IL1RAPL1: variants seen among roughly 807,000 people sequenced by gnomAD.
The protein encoded by IL1RAPL1 is interleukin-1 receptor accessory protein-like 1.
In IL1RAPL1, 3 loss-of-function variants were observed where a neutral mutation model predicts 48.4. That is an observed-to-expected ratio of 0.06 (90% CI 0.03 to 0.16). The LOEUF is 0.16. Among genes scored for constraint, IL1RAPL1 ranks in the 10% least tolerant of loss-of-function variants. The pLI is 1.00. For synonymous variants in IL1RAPL1, 185 were observed against 187.7 expected (o/e 0.99, Z 0.12); for missense variants, 349 against 530.6 (o/e 0.66, Z 3.36).
intron 3 of IL1RAPL1, among the ~76,000 whole-genome samples, chrX:29,311,540 A>G (rs979264932): frequency 9.8e-5 from 11 of 111,988 alleles, no homozygotes; most frequent in Non-Finnish European, 1.9e-4. Context: ...CTGCTGTTCA[A>G]TACAATAGTC....
At chrX:28,594,679 A>G (rs938868814) in intron 1 of IL1RAPL1, among the ~76,000 whole-genome samples, 3 of 111,834 alleles carry the variant, frequency 2.7e-5, no homozygotes, top group African/African-American at 9.7e-5. Flanking sequence ...ATACAGCATT[A>G]TTTTTTATTA....
chrX:29,941,902 G>A (rs966130857), intron 9 of IL1RAPL1, 108 bp downstream of exon 9: 14 of 688,651 alleles, frequency 2.0e-5, no homozygotes, highest in South Asian at 7.2e-5. Context: ...GCAGCAGCTC[G>A]TATATTCTTT....
chrX:29,134,513 C>G (rs993975006), intron 2 of IL1RAPL1, among the ~76,000 whole-genome samples: 1 of 111,718 alleles, frequency 9.0e-6, no homozygotes, highest in African/African-American at 3.3e-5. Context: ...TACCCTGCTT[C>G]TTTTTCCACC....
intron 2 of IL1RAPL1, among the ~76,000 whole-genome samples, chrX:29,084,770 C>T (rs1927916080): frequency 8.9e-6 from 1 of 112,769 alleles, no homozygotes; most frequent in South Asian, 3.6e-4. Context: ...TGGCTCACTG[C>T]AACCTCTGCC....
chrX:29,695,628 A>AGAGAGAGAGAGAG (rs1926891463), intron 6 of IL1RAPL1, among the ~76,000 whole-genome samples: 1 of 82,736 alleles, frequency 1.2e-5, no homozygotes, highest in African/African-American at 5.7e-5. Flanking sequence ...GAGAGAGAGA[A>AGAGAGAGAGAGAG]ACAGAGAGAA....
chrX:28,764,385 T>TA lies in IL1RAPL1; in HGVS notation c.-24-24934dup, dbSNP rs1333910921. Among the ~76,000 whole-genome samples the TA allele has an allele frequency of 2.7e-5, 3 of 111,523 alleles. No homozygotes were observed. The Admixed American group carries it at 2.9e-4, about 11-fold the overall frequency. ...GATCTTAAGAAATACACCAGCATCT[T>TA]ATGATGCTATGCTAGAATTATTTTA... On this transcript the variant is annotated intron_variant, in intron 1 of 10. Coordinates refer to ENST00000378993, the MANE Select transcript of IL1RAPL1 (RefSeq NM_014271.4).
intron 3 of IL1RAPL1, among the ~76,000 whole-genome samples, chrX:29,382,221 A>G (rs889804846): frequency 9.0e-6 from 1 of 111,717 alleles, no homozygotes; most frequent in African/African-American, 3.3e-5. Flanking sequence ...CTTGACATTC[A>G]GATAAGACTG....
chrX:29,305,693 A>T (rs1376068626), intron 3 of IL1RAPL1, among the ~76,000 whole-genome samples: 4 of 111,735 alleles, frequency 3.6e-5, no homozygotes, highest in Non-Finnish European at 5.6e-5. Context: ...CACCTGAGAT[A>T]GCTGTAGGAG....
At chrX:29,524,179 CTTT>C (rs5901924) in intron 5 of IL1RAPL1, among the ~76,000 whole-genome samples, 4 of 77,581 alleles carry the variant, frequency 5.2e-5, no homozygotes, top group African/African-American at 1.4e-4. Context: ...TTTCACTTGG[CTTT>C]TTTTTTTTTT....
Position 29,012,276 on chromosome X carries a change from C to G in IL1RAPL1, c.82+222851C>G, listed in dbSNP as rs1051969968. ...AAGAGGCCCTGGCGGGGTGAGGTGG[C>G]TCACGCCTGTAATCCCAGCACTTTG... On this transcript the variant is annotated intron_variant, in intron 2 of 10. Coordinates refer to ENST00000378993, the MANE Select transcript of IL1RAPL1 (RefSeq NM_014271.4). Among the ~76,000 whole-genome samples, 4 of 112,475 alleles carry G rather than the reference C, an allele frequency of 3.6e-5. No homozygotes were observed. In the East Asian group the frequency reaches 1.1e-3, roughly 31 times the overall value.
intron 2 of IL1RAPL1, among the ~76,000 whole-genome samples, chrX:28,854,391 T>A (rs1263968094): frequency 1.8e-5 from 2 of 110,733 alleles, no homozygotes; most frequent in Non-Finnish European, 3.8e-5. Flanking sequence ...ACCCCTAGGT[T>A]TTTTGGTTTA....
intron 2 of IL1RAPL1, among the ~76,000 whole-genome samples, chrX:29,095,631 G>A (rs1928196778): frequency 2.7e-5 from 3 of 111,484 alleles, no homozygotes; most frequent in Non-Finnish European, 3.8e-5. Flanking sequence ...ATAACATGGT[G>A]ACCTTAATCT....
chrX:29,125,400 A>G (rs753571334), intron 2 of IL1RAPL1, among the ~76,000 whole-genome samples: 9 of 111,780 alleles, frequency 8.1e-5, no homozygotes, highest in South Asian at 3.7e-4. Flanking sequence ...CCTTTTCTTT[A>G]CTCAAAAAAA....
At chrX:29,017,548 A>T (rs754711662) in intron 2 of IL1RAPL1, among the ~76,000 whole-genome samples, 3 of 111,705 alleles carry the variant, frequency 2.7e-5, no homozygotes, top group Non-Finnish European at 5.7e-5. Flanking sequence ...CCACGCTTGG[A>T]GGCTTTGTCA....
intron 5 of IL1RAPL1, among the ~76,000 whole-genome samples, chrX:29,404,996 C>A (rs1488832247): frequency 9.0e-6 from 1 of 110,801 alleles, no homozygotes; most frequent in Non-Finnish European, 1.9e-5. Context: ...TCACTGCAAC[C>A]TCTGCTTCCT....
At chrX:29,938,284 G>A (rs748119537) in intron 8 of IL1RAPL1, among the ~76,000 whole-genome samples, 1 of 111,921 alleles carries the variant, frequency 8.9e-6, no homozygotes, top group South Asian at 3.8e-4. Flanking sequence ...AATACCATCT[G>A]GAGAAAATGA....
chrX:28,607,423 G>A (rs1377627016), intron 1 of IL1RAPL1, among the ~76,000 whole-genome samples: 1 of 110,924 alleles, frequency 9.0e-6, no homozygotes, highest in Non-Finnish European at 1.9e-5. Flanking sequence ...TTGCTCTTTT[G>A]TTCTCTCATA....
At chrX:28,841,558 A>G (rs1014827015) in intron 2 of IL1RAPL1, among the ~76,000 whole-genome samples, 1 of 110,861 alleles carries the variant, frequency 9.0e-6, no homozygotes, top group Non-Finnish European at 1.9e-5. Context: ...CTCTATTTTA[A>G]TATAAATTTA....
chrX:29,568,643 T>C (rs1268348754), intron 5 of IL1RAPL1, among the ~76,000 whole-genome samples: 1 of 111,342 alleles, frequency 9.0e-6, no homozygotes, highest in Non-Finnish European at 1.9e-5. Flanking sequence ...CCTATTTATT[T>C]TGAATCAGGA....
Sources: gnomAD v4.1 joint callset for allele counts (sites outside exome capture counted in the v4.1 genomes callset) on GRCh38, gnomAD v4.1.1 for gene constraint, MANE v1.5 for transcripts, NCBI Gene and HGNC (gene_info 2026-07-23, HGNC 2026-07-21) for gene names.